RIT2: variants seen among roughly 807,000 people sequenced by gnomAD.
The protein encoded by RIT2 is Ras like without CAAX 2.
In RIT2, 24 loss-of-function variants were observed where a neutral mutation model predicts 23.7. That is an observed-to-expected ratio of 1.01 (90% CI 0.73 to 1.43). The LOEUF is 1.43. Ranked by LOEUF, RIT2 falls within the 40% of genes most tolerant of loss-of-function variation. RIT2 has a pLI of 0.00. For missense variants in RIT2, 236 were observed against 266.9 expected (o/e 0.88, Z 0.81); for synonymous variants, 107 against 91.1 (o/e 1.17, Z -0.99).
intron 1 of RIT2, among the ~76,000 whole-genome samples, chr18:43,057,368 G>A (rs1912528031): frequency 6.6e-6 from 1 of 152,086 alleles, no homozygotes; most frequent in African/African-American, 2.4e-5. Flanking sequence ...TTGCAAATAA[G>A]ACAAGGGCCA....
chr18:42,949,116 T>TG (rs1909791265), intron 3 of RIT2: 2 of 396,994 alleles, frequency 5.0e-6, no homozygotes, highest in Admixed American at 8.8e-5. Flanking sequence ...TTAGATGCCC[T>TG]GCCACATAGA....
chr18:42,807,708 T>C (rs902706896), intron 4 of RIT2, among the ~76,000 whole-genome samples: 8 of 152,316 alleles, frequency 5.3e-5, no homozygotes, highest in East Asian at 1.9e-4. Context: ...ACATTTATAG[T>C]GCTTGTGCTT....
chr18:42,890,151 T>C (rs1381529702), intron 4 of RIT2, among the ~76,000 whole-genome samples: 1 of 152,052 alleles, frequency 6.6e-6, no homozygotes, highest in Non-Finnish European at 1.5e-5. Flanking sequence ...GGTCTTGATT[T>C]ATAAAATGAG....
intron 1 of RIT2, among the ~76,000 whole-genome samples, chr18:43,038,030 C>A (rs1912022197): frequency 6.6e-6 from 1 of 151,672 alleles, no homozygotes; most frequent in South Asian, 2.1e-4. Context: ...TGGTGAAACC[C>A]CATCTTTACT....
intron 1 of RIT2, among the ~76,000 whole-genome samples, chr18:43,109,645 A>G (rs1913907346): frequency 6.6e-6 from 1 of 152,134 alleles, no homozygotes; most frequent in Non-Finnish European, 1.5e-5. Flanking sequence ...TGAGTTTCCA[A>G]AGCTCTTACA....
intron 4 of RIT2, among the ~76,000 whole-genome samples, chr18:42,786,970 A>C (rs1913936641): frequency 1.3e-5 from 2 of 152,218 alleles, no homozygotes; most frequent in Non-Finnish European, 2.9e-5. Flanking sequence ...ATAGACAGGA[A>C]AAGTGGAGTC....
rs188007928 is a variant in RIT2 at position 42,837,742 on chromosome 18, A to G, written c.426+85830T>C. ...TTCTGTAGTCCCAGTTTGAGCCATT[A>G]AGCCAATTTCCCCAGGTGGTGTTGT... On this transcript the variant is annotated intron_variant, in intron 4 of 4. Coordinates refer to ENST00000326695, the MANE Select transcript of RIT2 (RefSeq NM_002930.4). 1.7e-3 allele frequency among the ~76,000 whole-genome samples: 256 copies of G among 152,264 alleles called. 2 individuals are homozygous for G. The highest frequency in any genetic ancestry group is 5.8e-3 in the African/African-American group (242 of 41,558).
chr18:43,016,285 A>T (rs1451079299), intron 2 of RIT2, among the ~76,000 whole-genome samples: 1 of 151,846 alleles, frequency 6.6e-6, no homozygotes, highest in Non-Finnish European at 1.5e-5. Flanking sequence ...ATACACACGA[A>T]TTGTTGCTTC....
chr18:42,935,996 A>C (rs1296689455), intron 3 of RIT2, among the ~76,000 whole-genome samples: 1 of 151,604 alleles, frequency 6.6e-6, no homozygotes, highest in Non-Finnish European at 1.5e-5. Context: ...TTCCTTTTAC[A>C]TCCGAGATAC....
At chr18:42,896,260 G>A (rs1462221190) in intron 4 of RIT2, among the ~76,000 whole-genome samples, 9 of 152,044 alleles carry the variant, frequency 5.9e-5, no homozygotes, top group Admixed American at 1.3e-4. Flanking sequence ...GTGAAACTCC[G>A]TCACAAAAAA....
intron 4 of RIT2, among the ~76,000 whole-genome samples, chr18:42,905,239 T>C (rs1376205824): frequency 2.6e-5 from 4 of 152,132 alleles, no homozygotes; most frequent in Non-Finnish European, 4.4e-5. Flanking sequence ...GGAATATTAT[T>C]GTATGGTCGT....
chr18:42,781,768 C>G (rs597269), intron 4 of RIT2, among the ~76,000 whole-genome samples: 88,118 of 152,132 alleles, frequency 0.58, 29,116 homozygotes, highest in Non-Finnish European at 0.73. Flanking sequence ...TTAATGTATT[C>G]TGAGAGATAA....
intron 4 of RIT2, among the ~76,000 whole-genome samples, chr18:42,744,644 G>A (rs1014887291): frequency 1.3e-5 from 2 of 152,072 alleles, no homozygotes; most frequent in African/African-American, 4.8e-5. Context: ...TTAGGGTTAA[G>A]TGAGATCATC....
intron 4 of RIT2, among the ~76,000 whole-genome samples, chr18:42,890,546 A>G (rs1021406825): frequency 4.0e-5 from 6 of 151,632 alleles, no homozygotes; most frequent in African/African-American, 1.5e-4. Context: ...AAAGGAAGGA[A>G]GTTAAGATGG....
intron 4 of RIT2, among the ~76,000 whole-genome samples, chr18:42,822,421 G>A (rs367665755): frequency 2.6e-5 from 4 of 152,192 alleles, no homozygotes; most frequent in African/African-American, 7.2e-5. Context: ...TGTTGTTGGC[G>A]ACGGTTGATC....
At chr18:42,989,156 G>A (rs9961382) in intron 2 of RIT2, among the ~76,000 whole-genome samples, 145,151 of 152,230 alleles carry the variant, frequency 0.95, 69,566 homozygotes, top group East Asian at 1. Context: ...CTGCAGAAAC[G>A]AAACTTTCTC....
chr18:42,970,901 T>C (rs1910347261), intron 3 of RIT2, among the ~76,000 whole-genome samples: 1 of 152,006 alleles, frequency 6.6e-6, no homozygotes, highest in South Asian at 2.1e-4. Context: ...TTAATGTCTC[T>C]GTCTTTTGTT....
chr18:42,954,261 C>T (rs570770966), intron 3 of RIT2, among the ~76,000 whole-genome samples: 9 of 151,138 alleles, frequency 6.0e-5, no homozygotes, highest in South Asian at 2.1e-4. Context: ...CCTGTAATCC[C>T]GGCTACTTGG....
At chr18:43,085,423 C>T (rs1406336110) in intron 1 of RIT2, among the ~76,000 whole-genome samples, 5 of 152,060 alleles carry the variant, frequency 3.3e-5, no homozygotes, top group Admixed American at 3.3e-4. Flanking sequence ...TTGGTCACCA[C>T]ACAGTACAAT....
Sources: gnomAD v4.1 joint callset for allele counts (sites outside exome capture counted in the v4.1 genomes callset) on GRCh38, gnomAD v4.1.1 for gene constraint, MANE v1.5 for transcripts, NCBI Gene and HGNC (gene_info 2026-07-23, HGNC 2026-07-21) for gene names.